HS6ST2: variants seen among roughly 807,000 people sequenced by gnomAD.
The protein encoded by HS6ST2 is heparan-sulfate 6-O-sulfotransferase 2.
A neutral mutation model predicts 33.0 loss-of-function variants in HS6ST2; 17 were observed. That is an observed-to-expected ratio of 0.52 (90% confidence interval 0.35 to 0.77). The LOEUF is 0.77. Ranked by LOEUF, HS6ST2 falls within the 30% of genes least tolerant of loss-of-function variation. The pLI is 0.01. For missense variants in HS6ST2, 519 were observed against 551.7 expected (o/e 0.94, Z 0.59); for synonymous variants, 248 against 237.1 (o/e 1.05, Z -0.42).
intron 2 of HS6ST2, among the ~76,000 whole-genome samples, chrX:132,865,084 G>C (rs925407413): frequency 9.3e-6 from 1 of 108,027 alleles, no homozygotes; most frequent in Non-Finnish European, 1.9e-5. Flanking sequence ...CCACTAACTC[G>C]TCATCCAGCA....
At chrX:132,777,542 T>C (rs1202886648) in intron 2 of HS6ST2, among the ~76,000 whole-genome samples, 1 of 109,401 alleles carries the variant, frequency 9.1e-6, no homozygotes, top group African/African-American at 3.3e-5. Context: ...GCGATTCTCC[T>C]GCCTCAGCCT....
At chrX:132,839,289 TATATATATATATATATATATATATATAC>T (rs1433180181) in intron 2 of HS6ST2, among the ~76,000 whole-genome samples, 21 of 54,613 alleles carry the variant, frequency 3.8e-4, no homozygotes, top group African/African-American at 1.5e-3. Flanking sequence ...TATATATATA[TATATATATATATATATATATATATATAC>T]ACACACATGT....
intron 2 of HS6ST2, among the ~76,000 whole-genome samples, chrX:132,892,451 A>G (rs894263019): frequency 4.0e-4 from 45 of 111,895 alleles, no homozygotes; most frequent in African/African-American, 1.4e-3. Context: ...GTCCCTCAGT[A>G]TTCATAGAGT....
chrX:132,958,319 C>A lies in HS6ST2; in HGVS notation c.284G>T (p.Arg95Leu), dbSNP rs1602938960. The change falls in exon 1 of 5, where the codon CGC becomes CTC. Residue 95 changes from arginine (R) to leucine (L), a missense_variant. Coordinates refer to ENST00000370833, the MANE Select transcript of HS6ST2 (RefSeq NM_001394073.1). ...PLFALLSRGRRRRMHVLRRRW... is the reference protein window; with the variant it reads ...PLFALLSRGRLRRMHVLRRRW... ...TCGCCTGAGGACGTGCATCCGCCTG[C>A]GGCGGCCCCGGGACAGCAGCGCGAA... The A allele has an allele frequency of 8.4e-7, 1 of 1,196,389 alleles. No individual in the cohort carries two copies. The highest frequency in any genetic ancestry group is 3.0e-5 in the East Asian group (1 of 33,600).
intron 4 of HS6ST2, among the ~76,000 whole-genome samples, chrX:132,645,369 A>G (rs993543155): frequency 8.9e-6 from 1 of 112,833 alleles, no homozygotes; most frequent in African/African-American, 3.2e-5. Flanking sequence ...AGTCATAATC[A>G]GGATACCTAT....
intron 2 of HS6ST2, among the ~76,000 whole-genome samples, chrX:132,759,023 C>A (rs1352542064): frequency 9.0e-6 from 1 of 111,715 alleles, no homozygotes; most frequent in African/African-American, 3.3e-5. Context: ...CAGAAATAGA[C>A]AACCAGGAGC....
intron 2 of HS6ST2, among the ~76,000 whole-genome samples, chrX:132,796,995 C>A (rs2065186851): frequency 8.9e-6 from 1 of 111,793 alleles, no homozygotes; most frequent in African/African-American, 3.3e-5. Flanking sequence ...GATTTGTAAA[C>A]ACACTGCATT....
chrX:132,766,702 A>G (rs190298807), intron 2 of HS6ST2, among the ~76,000 whole-genome samples: 58 of 112,053 alleles, frequency 5.2e-4, no homozygotes, highest in African/African-American at 1.8e-3. Flanking sequence ...GCATTTTCAT[A>G]CCACCAATTC....
At chrX:132,863,950 G>C (rs2065940239) in intron 2 of HS6ST2, among the ~76,000 whole-genome samples, 2 of 111,515 alleles carry the variant, frequency 1.8e-5, no homozygotes, top group African/African-American at 6.5e-5. Context: ...ATGATACCCA[G>C]GCAAACAGGG....
intron 3 of HS6ST2, among the ~76,000 whole-genome samples, chrX:132,688,373 T>C (rs781737697): frequency 8.9e-6 from 1 of 112,034 alleles, no homozygotes; most frequent in Non-Finnish European, 1.9e-5. Flanking sequence ...AAAAGTACAG[T>C]ACTGCATTAG....
intron 2 of HS6ST2, among the ~76,000 whole-genome samples, chrX:132,882,091 T>C (rs1214326954): frequency 2.7e-5 from 3 of 111,712 alleles, no homozygotes; most frequent in Non-Finnish European, 5.6e-5. Context: ...TGGCTTAGGA[T>C]TGACTTGGCG....
intron 3 of HS6ST2, 74 bp from the exon 4 acceptor site, chrX:132,669,273 T>C (rs774371926): frequency 1.5e-5 from 14 of 904,988 alleles, no homozygotes; most frequent in Non-Finnish European, 2.2e-5. Context: ...AGTCACTTCA[T>C]TTAAAGACTC....
upstream of HS6ST2, chrX:132,958,741 C>G (rs2148511814): frequency 3.6e-6 from 2 of 560,614 alleles, no homozygotes; most frequent in East Asian, 7.4e-5. Flanking sequence ...ACGGAGGTCA[C>G]TCCGCTTAGC....
intron 3 of HS6ST2, among the ~76,000 whole-genome samples, chrX:132,679,532 TCACAGGAC>T (rs2063951688): frequency 9.0e-6 from 1 of 111,333 alleles, no homozygotes; most frequent in African/African-American, 3.3e-5. Flanking sequence ...CAGGGCGAGA[TCACAGGAC>T]CACAGGACTG....
intron 2 of HS6ST2, among the ~76,000 whole-genome samples, chrX:132,859,394 T>C (rs1336137307): frequency 9.1e-6 from 1 of 110,361 alleles, no homozygotes; most frequent in Non-Finnish European, 1.9e-5. Context: ...AATCAAAGCA[T>C]TAAAGGTGAG....
chrX:132,691,208 G>A (rs1055656059), intron 3 of HS6ST2, among the ~76,000 whole-genome samples: 3 of 111,625 alleles, frequency 2.7e-5, no homozygotes, highest in Non-Finnish European at 5.6e-5. Context: ...TAACTTCTGT[G>A]AGCCTTCCTA....
intron 3 of HS6ST2, among the ~76,000 whole-genome samples, chrX:132,694,032 C>G (rs1316076603): frequency 8.9e-6 from 1 of 112,255 alleles, no homozygotes; most frequent in African/African-American, 3.2e-5. Flanking sequence ...TTTAACATAA[C>G]CAATTGTTTG....
At chrX:132,719,066 C>A (rs1272138249) in intron 2 of HS6ST2, among the ~76,000 whole-genome samples, 1 of 112,155 alleles carries the variant, frequency 8.9e-6, no homozygotes, top group African/African-American at 3.2e-5. Flanking sequence ...GCCCATGTAA[C>A]TACAATGGTA....
intron 4 of HS6ST2, among the ~76,000 whole-genome samples, chrX:132,645,363 A>G (rs2063632130): frequency 8.9e-6 from 1 of 112,843 alleles, no homozygotes; most frequent in East Asian, 2.8e-4. Context: ...TTCAATAGTC[A>G]TAATCAGGAT....
Sources: allele counts gnomAD v4.1 joint callset (sites outside exome capture counted in the v4.1 genomes callset), GRCh38; gene constraint gnomAD v4.1.1; transcripts MANE v1.5; gene names NCBI Gene and HGNC (gene_info 2026-07-23, HGNC 2026-07-21).